The following PIGU variants were observed in gnomAD, a reference collection of about 807,000 sequenced individuals.
PIGU encodes the protein phosphatidylinositol glycan anchor biosynthesis class U.
A neutral mutation model predicts 49.9 loss-of-function variants in PIGU; 24 were observed. That is an observed-to-expected ratio of 0.48 (90% CI 0.35 to 0.68). The LOEUF (loss-of-function observed/expected upper bound fraction) is 0.68. PIGU is among the 30% of genes least tolerant of loss of function. The pLI is 0.01. For synonymous variants in PIGU, 220 were observed against 205.7 expected (o/e 1.07, Z -0.59); for missense variants, 490 against 532.6 (o/e 0.92, Z 0.79).
chr20:34,642,444 T>C (rs1287161130), intron 4 of PIGU, among the ~76,000 whole-genome samples: 1 of 151,138 alleles, frequency 6.6e-6, no homozygotes, highest in African/African-American at 2.4e-5. Context: ...AAGCAAAAAA[T>C]TGTTTTAACT....
intron 1 of PIGU, among the ~76,000 whole-genome samples, chr20:34,673,347 A>G (rs1432057395): frequency 2.0e-5 from 3 of 152,146 alleles, no homozygotes; most frequent in East Asian, 3.8e-4. Context: ...GGGTTTATAT[A>G]ATCAGCTGCT....
rs1411795211 is a variant in PIGU at position 34,637,873 on chromosome 20, T to TA, written c.428+2dup. ...TAAGCCTGTTTTGTCAGGGAATACT[T>TA]ACAACAGGGCCACTTTCAAAGGGAT... On this transcript the variant is annotated splice_region_variant and intron_variant, in intron 5 of 11. Transcript: ENST00000217446. 1 of 1,609,762 alleles carries TA rather than the reference T, an allele frequency of 6.2e-7. No individual in the cohort carries two copies. Among genetic ancestry groups the TA allele is most frequent in the Non-Finnish European group, 8.5e-7 (1 of 1,178,456 alleles).
chr20:34,642,155 T>C (rs1260857894), intron 4 of PIGU, among the ~76,000 whole-genome samples: 1 of 152,238 alleles, frequency 6.6e-6, no homozygotes, highest in African/African-American at 2.4e-5. Context: ...CTGACTTTGT[T>C]AGGCAATTAA....
intron 6 of PIGU, among the ~76,000 whole-genome samples, chr20:34,627,795 C>T (rs902151017): frequency 3.9e-5 from 6 of 152,108 alleles, no homozygotes; most frequent in African/African-American, 1.4e-4. Context: ...CTATCTGAAC[C>T]TGACACTCTG....
chr20:34,654,721 G>A (rs1986654286), intron 2 of PIGU, among the ~76,000 whole-genome samples: 1 of 119,728 alleles, frequency 8.4e-6, no homozygotes, highest in Non-Finnish European at 1.8e-5. Context: ...TAAAAATTAA[G>A]GCCAGCCAGG....
chr20:34,636,666 T>C (rs1985974908), intron 5 of PIGU, among the ~76,000 whole-genome samples: 1 of 152,238 alleles, frequency 6.6e-6, no homozygotes, highest in South Asian at 2.1e-4. Flanking sequence ...AATTCGGCTC[T>C]GAGTTTCCTG....
chr20:34,598,344 G>A (rs892506052), intron 7 of PIGU, among the ~76,000 whole-genome samples: 1 of 152,176 alleles, frequency 6.6e-6, no homozygotes, highest in Non-Finnish European at 1.5e-5. Context: ...TTAGGAGTGA[G>A]GGGTAAGTGG....
At chr20:34,675,056 C>G (rs1438543985) in intron 1 of PIGU, among the ~76,000 whole-genome samples, 1 of 151,546 alleles carries the variant, frequency 6.6e-6, no homozygotes, top group African/African-American at 2.4e-5. Flanking sequence ...CAAGACCAGC[C>G]TGACCAACAT....
intron 6 of PIGU, among the ~76,000 whole-genome samples, chr20:34,620,836 A>C (rs1364033083): frequency 2.0e-5 from 3 of 150,130 alleles, no homozygotes. Flanking sequence ...AAAAAAAACA[A>C]AAAAAACAGT....
intron 5 of PIGU, among the ~76,000 whole-genome samples, chr20:34,635,076 A>C (rs1412593716): frequency 6.6e-6 from 1 of 152,232 alleles, no homozygotes; most frequent in Non-Finnish European, 1.5e-5. Flanking sequence ...AAAATCTCAC[A>C]AACTAATAAA....
rs758714375 is a variant in PIGU at position 34,560,877 on chromosome 20, C to T, written c.1297G>A (p.Val433Met). 77 of 1,606,416 alleles carry T rather than the reference C, an allele frequency of 4.8e-5. No individual in the cohort carries two copies. Among genetic ancestry groups the T allele is most frequent in the Non-Finnish European group, 6.5e-5 (76 of 1,175,186 alleles). The change falls in exon 12 of 12, where the codon GTG (valine) becomes ATG (methionine). Residue 433 changes from valine (V) to methionine (M), a missense_variant. Val to Met is a conservative substitution (Grantham distance 21, BLOSUM62 1). Coordinates refer to ENST00000217446, the MANE Select transcript of PIGU (RefSeq NM_080476.5). ...TGTGCCAGCCAGGCCTACTTGAGCA[C>T]GAGCATGGCCTCTGTGCCATCCTTG... ...TAKDGTEAMLVLK is the reference protein window; with the variant it reads ...TAKDGTEAMLMLK
intron 11 of PIGU, 126 bp downstream of exon 11, chr20:34,574,977 AG>A: frequency 3.1e-6 from 4 of 1,271,252 alleles, no homozygotes; most frequent in Non-Finnish European, 4.4e-6. Context: ...GAGCTACTTG[AG>A]GGGAGTAACT....
chr20:34,587,383 C>T (rs1021861129), intron 8 of PIGU, among the ~76,000 whole-genome samples: 3 of 152,024 alleles, frequency 2.0e-5, no homozygotes, highest in Non-Finnish European at 4.4e-5. Flanking sequence ...TATAGTTGTA[C>T]GAATTTATGG....
intron 1 of PIGU, among the ~76,000 whole-genome samples, chr20:34,668,200 T>G (rs1209239862): frequency 6.6e-6 from 1 of 151,852 alleles, no homozygotes; most frequent in Non-Finnish European, 1.5e-5. Flanking sequence ...CGGTGGCTCA[T>G]GCCTGTAATC....
At chr20:34,610,758 A>C (rs1171673793) in intron 7 of PIGU, among the ~76,000 whole-genome samples, 1 of 152,152 alleles carries the variant, frequency 6.6e-6, no homozygotes, top group Non-Finnish European at 1.5e-5. Flanking sequence ...GACAATCCTA[A>C]GCAAAAAGAA....
At chr20:34,581,500 T>C (rs771158788) in intron 10 of PIGU, 48 bp downstream of exon 10, 4 of 1,608,148 alleles carry the variant, frequency 2.5e-6, no homozygotes, top group Admixed American at 1.7e-5. Context: ...AGCAGTCTCA[T>C]CCAGGCCCAG....
intron 4 of PIGU, among the ~76,000 whole-genome samples, chr20:34,641,517 T>A (rs1986163499): frequency 6.6e-6 from 1 of 152,186 alleles, no homozygotes; most frequent in Non-Finnish European, 1.5e-5. Context: ...ACATTGTTTT[T>A]GTCAAGTGAG....
chr20:34,599,281 T>C (rs1220603084), intron 7 of PIGU, among the ~76,000 whole-genome samples: 2 of 151,816 alleles, frequency 1.3e-5, no homozygotes, highest in Non-Finnish European at 2.9e-5. Context: ...GGCAAAACCC[T>C]GTCTCTACAA....
intron 7 of PIGU, among the ~76,000 whole-genome samples, chr20:34,613,480 A>T (rs1160682152): frequency 6.6e-6 from 1 of 152,220 alleles, no homozygotes; most frequent in Non-Finnish European, 1.5e-5. Flanking sequence ...GTGCATAGAG[A>T]TTGGCTTAAG....
Sources: gnomAD v4.1 joint callset for allele counts (sites outside exome capture counted in the v4.1 genomes callset) on GRCh38, gnomAD v4.1.1 for gene constraint, MANE v1.5 for transcripts, NCBI Gene and HGNC (gene_info 2026-07-23, HGNC 2026-07-21) for gene names.